The following APBB1IP variants were observed in gnomAD, a reference collection of about 807,000 sequenced individuals.
The protein encoded by APBB1IP is amyloid beta A4 precursor protein-binding family B member 1-interacting protein.
APBB1IP carries 27 observed loss-of-function variants against 64.9 expected under a neutral mutation model. That is an observed-to-expected ratio of 0.42 (90% CI 0.31 to 0.57). The LOEUF (loss-of-function observed/expected upper bound fraction) is 0.57. Among genes scored for constraint, APBB1IP ranks in the 20% least tolerant of loss-of-function variants. The probability of loss-of-function intolerance (pLI) is 0.20; values close to 1 mark genes in which losing one functional copy is unlikely to be tolerated. For synonymous variants in APBB1IP, 392 were observed against 331.0 expected (o/e 1.18, Z -2.00); for missense variants, 812 against 845.5 (o/e 0.96, Z 0.49).
chr10:26,491,699 G>C (rs540870432), intron 2 of APBB1IP, among the ~76,000 whole-genome samples: 1 of 149,298 alleles, frequency 6.7e-6, no homozygotes, highest in East Asian at 2.0e-4. Context: ...AATATCTTTT[G>C]AAAGCAGGGA....
chr10:26,504,022 C>T (rs1449865802), intron 6 of APBB1IP, among the ~76,000 whole-genome samples: 1 of 152,202 alleles, frequency 6.6e-6, no homozygotes, highest in African/African-American at 2.4e-5. Flanking sequence ...CTGCCCTCTC[C>T]AGGACTTTGC....
chr10:26,517,352 C>A (rs771566612), intron 8 of APBB1IP, among the ~76,000 whole-genome samples: 7 of 152,218 alleles, frequency 4.6e-5, no homozygotes, highest in Non-Finnish European at 5.9e-5. Context: ...GTCCTTACTA[C>A]CCATTACAAA....
At chr10:26,468,795 T>C (rs1835677349) in intron 2 of APBB1IP, among the ~76,000 whole-genome samples, 1 of 152,230 alleles carries the variant, frequency 6.6e-6, no homozygotes, top group Non-Finnish European at 1.5e-5. Flanking sequence ...CACAGAGTCC[T>C]GGATGTGTCT....
At chr10:26,475,143 G>A (rs894758829) in intron 2 of APBB1IP, among the ~76,000 whole-genome samples, 8 of 143,230 alleles carry the variant, frequency 5.6e-5, no homozygotes, top group Admixed American at 7.1e-5. Flanking sequence ...TTTTTTTTGA[G>A]ATAGAGTCTC....
At chr10:26,545,373 C>A (rs563145602) in intron 11 of APBB1IP, among the ~76,000 whole-genome samples, 57 of 152,276 alleles carry the variant, frequency 3.7e-4, no homozygotes, top group African/African-American at 1.3e-3. Flanking sequence ...GCTTGTAATC[C>A]CAGCACTTTG....
At chr10:26,478,042 A>G (rs1422808817) in intron 2 of APBB1IP, among the ~76,000 whole-genome samples, 2 of 152,384 alleles carry the variant, frequency 1.3e-5, no homozygotes, top group African/African-American at 4.8e-5. Flanking sequence ...GAACAAAAAC[A>G]GTCAAATCCC....
chr10:26,478,256 G>A (rs1225952974), intron 2 of APBB1IP, among the ~76,000 whole-genome samples: 2 of 152,210 alleles, frequency 1.3e-5, no homozygotes, highest in Admixed American at 6.5e-5. Context: ...AAGCATGAGC[G>A]AATGCACGCT....
chr10:26,548,090 C>G (rs1836788972), intron 11 of APBB1IP, among the ~76,000 whole-genome samples: 1 of 152,162 alleles, frequency 6.6e-6, no homozygotes, highest in African/African-American at 2.4e-5. Flanking sequence ...CAGCTTTGTT[C>G]TTTTTGCTCA....
At chr10:26,491,311 A>G (rs1400970180) in intron 2 of APBB1IP, among the ~76,000 whole-genome samples, 1 of 152,148 alleles carries the variant, frequency 6.6e-6, no homozygotes, top group East Asian at 1.9e-4. Flanking sequence ...AAGAAAAGAA[A>G]GAGAGAAATG....
At chr10:26,515,958 A>G (rs184014197) in intron 8 of APBB1IP, among the ~76,000 whole-genome samples, 1 of 152,338 alleles carries the variant, frequency 6.6e-6, no homozygotes, top group East Asian at 1.9e-4. Context: ...TTACATCTAC[A>G]TGGGGATCTT....
At chr10:26,523,307 A>G (rs1463647344) in intron 8 of APBB1IP, among the ~76,000 whole-genome samples, 1 of 152,324 alleles carries the variant, frequency 6.6e-6, no homozygotes, top group African/African-American at 2.4e-5. Context: ...GGTTCTTTTC[A>G]TCCATTAGCT....
At chr10:26,526,107 T>G (rs557472969) in intron 8 of APBB1IP, among the ~76,000 whole-genome samples, 1 of 152,320 alleles carries the variant, frequency 6.6e-6, no homozygotes, top group Admixed American at 6.5e-5. Flanking sequence ...TGGGATAGCG[T>G]GTCCTAAACC....
At chr10:26,453,663 C>T (rs906472867) in intron 2 of APBB1IP, among the ~76,000 whole-genome samples, 2 of 152,140 alleles carry the variant, frequency 1.3e-5, no homozygotes, top group Admixed American at 6.5e-5. Context: ...CAGACTCTAG[C>T]CCTCCTGAAA....
intron 2 of APBB1IP, among the ~76,000 whole-genome samples, chr10:26,483,855 G>A (rs1835862986): frequency 6.6e-6 from 1 of 152,116 alleles, no homozygotes; most frequent in African/African-American, 2.4e-5. Flanking sequence ...AGGGACTACA[G>A]GCGCATGCCA....
chr10:26,475,824 C>G (rs1835768944), intron 2 of APBB1IP, among the ~76,000 whole-genome samples: 1 of 152,180 alleles, frequency 6.6e-6, no homozygotes, highest in Non-Finnish European at 1.5e-5. Context: ...CTCCCTTCTT[C>G]CCCTTCTCTG....
chr10:26,547,029 T>C (rs1836773290), intron 11 of APBB1IP, among the ~76,000 whole-genome samples: 1 of 152,240 alleles, frequency 6.6e-6, no homozygotes, highest in South Asian at 2.1e-4. Flanking sequence ...GCATAAGAGT[T>C]CTTGTTTTTC....
chr10:26,562,210 C>A, intron 13 of APBB1IP, 116 bp from the exon 14 acceptor site: 1 of 756,912 alleles, frequency 1.3e-6, no homozygotes, highest in Non-Finnish European at 2.2e-6. Flanking sequence ...TAAGAACTAG[C>A]CAACAAGTAT....
intron 2 of APBB1IP, among the ~76,000 whole-genome samples, chr10:26,471,411 T>G (rs1298021824): frequency 1.3e-5 from 2 of 152,202 alleles, no homozygotes; most frequent in Admixed American, 6.5e-5. Flanking sequence ...ACTCAGTTCC[T>G]TTCTTGCTTC....
At position 26,447,374 on chromosome 10, in the gene APBB1IP, C is replaced by CAAA. The variant is rs55948326; in HGVS notation, c.-1+8541_-1+8543dup. ...TGGGTGACAGAGTGAGACTCCGTCT[C>CAAA]AAAAAAAAAAAAAAAAAAAAAAGAA... On this transcript the variant is annotated intron_variant, in intron 2 of 14. Transcript: ENST00000376236. Among the ~76,000 whole-genome samples, 401 of 54,698 alleles carry CAAA rather than the reference C, an allele frequency of 7.3e-3. 8 individuals carry two copies. The highest frequency in any genetic ancestry group is 0.038 in the East Asian group (74 of 1,952). 35.9% of individuals were successfully genotyped at this position (54,698 alleles called of 152,430 possible).
Sources: gnomAD v4.1 joint callset for allele counts (sites outside exome capture counted in the v4.1 genomes callset) on GRCh38, gnomAD v4.1.1 for gene constraint, MANE v1.5 for transcripts, NCBI Gene and HGNC (gene_info 2026-07-23, HGNC 2026-07-21) for gene names.